Variants in SEMA3A observed in about 807,000 individuals in gnomAD.
SEMA3A encodes semaphorin-3A.
SEMA3A carries 29 observed loss-of-function variants against 97.9 expected under a neutral mutation model. The observed-to-expected ratio is 0.30, with a 90% CI of 0.22 to 0.40. The LOEUF is 0.40. SEMA3A is among the 10% of genes least tolerant of loss of function. The pLI, the probability that SEMA3A is intolerant of heterozygous loss-of-function variation, is 1.00. For missense variants in SEMA3A, 763 were observed against 951.3 expected, an observed-to-expected ratio of 0.80 and a Z score of 2.60; for synonymous variants, 321 against 323.7, an observed-to-expected ratio of 0.99 and a Z score of 0.09.
intron 3 of SEMA3A, among the ~76,000 whole-genome samples, chr7:84,268,249 A>ATGTGCG (rs1554354590): frequency 3.8e-5 from 5 of 130,950 alleles, no homozygotes; most frequent in African/African-American, 8.2e-5. Context: ...AGACATAAGC[A>ATGTGCG]TGTGTGTGTG....
intron 12 of SEMA3A, among the ~76,000 whole-genome samples, chr7:83,991,020 A>G (rs202027126): frequency 4.0e-5 from 6 of 151,318 alleles, no homozygotes; most frequent in Admixed American, 2.6e-4. Context: ...ACTTCTCCTT[A>G]AAGAGGTCCT....
chr7:84,196,353 T>TTCTCTCTCTC (rs60887913), upstream of SEMA3A, among the ~76,000 whole-genome samples: 649 of 149,248 alleles, frequency 4.3e-3, no homozygotes, highest in Middle Eastern at 6.8e-3. Flanking sequence ...TCGCTCTGCT[T>TTCTCTCTCTC]TCTCTCTCTC....
At chr7:83,962,843 T>C (rs372256280) in intron 16 of SEMA3A, among the ~76,000 whole-genome samples, 8 of 152,294 alleles carry the variant, frequency 5.3e-5, no homozygotes, top group African/African-American at 1.9e-4. Flanking sequence ...ATTTTGATAA[T>C]ATAATTAATT....
At chr7:84,066,161 G>T (rs1793482100) in intron 4 of SEMA3A, among the ~76,000 whole-genome samples, 1 of 151,764 alleles carries the variant, frequency 6.6e-6, no homozygotes, top group African/African-American at 2.4e-5. Flanking sequence ...CAGAGCCAAA[G>T]ACAAAAACCA....
intron 3 of SEMA3A, among the ~76,000 whole-genome samples, chr7:84,257,768 C>T (rs1489422314): frequency 1.3e-5 from 2 of 151,928 alleles, no homozygotes; most frequent in African/African-American, 2.4e-5. Flanking sequence ...TTTTCTAGTG[C>T]TTAATTGTGG....
At chr7:84,133,905 A>T (rs1796040262) in intron 2 of SEMA3A, among the ~76,000 whole-genome samples, 1 of 150,174 alleles carries the variant, frequency 6.7e-6, no homozygotes, top group East Asian at 2.0e-4. Flanking sequence ...AAAAAAAAAA[A>T]AAAAAAATTA....
chr7:84,095,360 TA>T (rs1562778205), intron 4 of SEMA3A, among the ~76,000 whole-genome samples: 254 of 25,234 alleles, frequency 0.01, 14 homozygotes, highest in Non-Finnish European at 0.015. Flanking sequence ...TTTATATACA[TA>T]TATATATATA....
intron 3 of SEMA3A, among the ~76,000 whole-genome samples, chr7:84,208,248 C>T (rs865805187): frequency 3.9e-4 from 60 of 152,010 alleles, no homozygotes; most frequent in African/African-American, 1.3e-3. Flanking sequence ...GTCAGGAGAT[C>T]GAGACCATCC....
chr7:84,158,145 A>ATTT (rs1796906148), intron 1 of SEMA3A, among the ~76,000 whole-genome samples: 3 of 122,216 alleles, frequency 2.5e-5, no homozygotes, highest in African/African-American at 9.2e-5. Context: ...TTAACAGCTA[A>ATTT]TTCTTTTTTT....
intron 1 of SEMA3A, among the ~76,000 whole-genome samples, chr7:84,470,324 G>A (rs2116407980): frequency 6.6e-6 from 1 of 151,890 alleles, no homozygotes; most frequent in Non-Finnish European, 1.5e-5. Flanking sequence ...CTATTAATTT[G>A]GCCAAATTTA....
chr7:84,388,313 C>T (rs571890401), intron 1 of SEMA3A, among the ~76,000 whole-genome samples: 2 of 152,052 alleles, frequency 1.3e-5, no homozygotes, highest in Middle Eastern at 6.8e-3. Flanking sequence ...TAACCATAAC[C>T]TTTTATACTT....
chr7:84,260,546 T>C (rs1257160718), intron 3 of SEMA3A, among the ~76,000 whole-genome samples: 1 of 152,184 alleles, frequency 6.6e-6, no homozygotes, highest in Admixed American at 6.5e-5. Context: ...CTGTTCCCAC[T>C]GTCTGGCCTC....
chr7:84,170,977 T>C (rs188526091), intron 1 of SEMA3A, among the ~76,000 whole-genome samples: 4 of 152,162 alleles, frequency 2.6e-5, no homozygotes, highest in Admixed American at 1.3e-4. Flanking sequence ...AATCCCAATA[T>C]GGTTGGGTTA....
intron 3 of SEMA3A, among the ~76,000 whole-genome samples, chr7:84,249,138 T>C (rs1286028150): frequency 1.3e-5 from 2 of 152,222 alleles, no homozygotes; most frequent in African/African-American, 4.8e-5. Flanking sequence ...GTGAGCCATG[T>C]TCCTGCCTTA....
intron 1 of SEMA3A, among the ~76,000 whole-genome samples, chr7:84,444,649 C>G (rs914420576): frequency 6.6e-5 from 10 of 151,702 alleles, no homozygotes; most frequent in Admixed American, 2.0e-4. Context: ...GCAAGCTCCC[C>G]CTCCCGGCTT....
intron 2 of SEMA3A, among the ~76,000 whole-genome samples, chr7:84,335,895 G>T (rs868609555): frequency 3.3e-5 from 5 of 151,980 alleles, no homozygotes; most frequent in African/African-American, 1.2e-4. Flanking sequence ...ATTTCAGTGT[G>T]TAATAATTTA....
intron 11 of SEMA3A, among the ~76,000 whole-genome samples, chr7:84,003,213 A>G (rs1790531575): frequency 6.6e-6 from 1 of 152,134 alleles, no homozygotes; most frequent in Non-Finnish European, 1.5e-5. Flanking sequence ...TAAACCAAAA[A>G]AAGTACACTT....
At chr7:84,175,877 T>C (rs763549613) in intron 1 of SEMA3A, among the ~76,000 whole-genome samples, 5 of 152,186 alleles carry the variant, frequency 3.3e-5, no homozygotes, top group Non-Finnish European at 7.4e-5. Context: ...GCAGACTCTG[T>C]GAACCTTCCT....
chr7:84,387,684 T>C (rs575772892), intron 1 of SEMA3A, among the ~76,000 whole-genome samples: 149 of 152,346 alleles, frequency 9.8e-4, no homozygotes, highest in African/African-American at 3.5e-3. Context: ...ACTTTGAATC[T>C]GATCCATAGT....
Sources: gnomAD v4.1 joint callset for allele counts (sites outside exome capture counted in the v4.1 genomes callset) on GRCh38, gnomAD v4.1.1 for gene constraint, MANE v1.5 for transcripts, NCBI Gene and HGNC (gene_info 2026-07-23, HGNC 2026-07-21) for gene names.